PDE1A: variants seen among roughly 807,000 people sequenced by gnomAD.
The protein encoded by PDE1A is phosphodiesterase 1A.
In PDE1A, 35 loss-of-function variants were observed where a neutral mutation model predicts 61.7. The observed-to-expected ratio is 0.57, with a 90% CI of 0.43 to 0.75. PDE1A has a LOEUF of 0.75. Among genes scored for constraint, PDE1A ranks in the 30% least tolerant of loss-of-function variants. The probability of loss-of-function intolerance (pLI) is 0.00; values close to 1 mark genes in which losing one functional copy is unlikely to be tolerated. For synonymous variants in PDE1A, 232 were observed against 213.2 expected (o/e 1.09, Z -0.77); for missense variants, 597 against 630.6 (o/e 0.95, Z 0.57).
intron 10 of PDE1A, among the ~76,000 whole-genome samples, chr2:182,195,163 C>G (rs375272338): frequency 6.6e-6 from 1 of 152,174 alleles, no homozygotes; most frequent in African/African-American, 2.4e-5. Context: ...TTTAGAAATT[C>G]AGCGTTAAGT....
intron 2 of PDE1A, among the ~76,000 whole-genome samples, chr2:182,512,936 A>C (rs1689898746): frequency 6.6e-6 from 1 of 152,246 alleles, no homozygotes; most frequent in Non-Finnish European, 1.5e-5. Context: ...AAAATCTCTG[A>C]GAAATATGAG....
the PDE1A span, among the ~76,000 whole-genome samples, chr2:182,708,204 G>T: frequency 1.9e-3 from 284 of 152,022 alleles, 1 homozygote; most frequent in African/African-American, 6.5e-3. Context: ...TTCCAGTTCT[G>T]CCCCTACTAG....
At chr2:182,640,317 C>A in the PDE1A span, among the ~76,000 whole-genome samples, 1 of 152,156 alleles carries the variant, frequency 6.6e-6, no homozygotes, top group African/African-American at 2.4e-5. Flanking sequence ...TCTCTTAGAA[C>A]TGACACTGAA....
chr2:182,291,449 C>CT (rs1694531831), intron 1 of PDE1A, among the ~76,000 whole-genome samples: 1 of 152,118 alleles, frequency 6.6e-6, no homozygotes, highest in African/African-American at 2.4e-5. Context: ...GTGCATATCT[C>CT]TTTTTTATAT....
exon 7 of PDE1A, chr2:182,223,873 A>C: frequency 6.3e-7 from 1 of 1,574,960 alleles, no homozygotes; most frequent in Non-Finnish European, 8.6e-7. Context: ...CCTTGTCTGA[A>C]TGTGAAAGTT....
intron 13 of PDE1A, among the ~76,000 whole-genome samples, chr2:182,173,562 ATAATT>A (rs916222914): frequency 4.2e-5 from 4 of 96,106 alleles, no homozygotes; most frequent in South Asian, 3.5e-4. Flanking sequence ...ATATAATATA[ATAATT>A]TAATTTACTA....
chr2:182,489,171 T>C (rs574796695), intron 2 of PDE1A, among the ~76,000 whole-genome samples: 304 of 152,200 alleles, frequency 2.0e-3, no homozygotes, highest in Non-Finnish European at 3.8e-3. Flanking sequence ...GACAAGAGTG[T>C]ACCAGGAAGA....
At chr2:182,185,685 C>A in intron 13 of PDE1A, 2 of 819,874 alleles carry the variant, frequency 2.4e-6, no homozygotes, top group Admixed American at 5.7e-5. Flanking sequence ...AGATCTGCAG[C>A]CCATGTGGCA....
chr2:182,328,589 G>T (rs535490808), intron 1 of PDE1A, among the ~76,000 whole-genome samples: 3 of 152,298 alleles, frequency 2.0e-5, no homozygotes, highest in Non-Finnish European at 2.9e-5. Flanking sequence ...TGAAGGACGA[G>T]ATGCAACTTG....
chr2:182,647,609 A>G, the PDE1A span, among the ~76,000 whole-genome samples: 1 of 152,190 alleles, frequency 6.6e-6, no homozygotes, highest in Non-Finnish European at 1.5e-5. Context: ...TCACTTAGGA[A>G]AAGACATATC....
intron 2 of PDE1A, among the ~76,000 whole-genome samples, chr2:182,437,040 G>C (rs1005615202): frequency 2.0e-5 from 3 of 151,934 alleles, no homozygotes; most frequent in African/African-American, 7.2e-5. Flanking sequence ...TCTGGTTTGG[G>C]TCAATCTCAC....
chr2:182,678,784 C>A, the PDE1A span, among the ~76,000 whole-genome samples: 1 of 152,012 alleles, frequency 6.6e-6, no homozygotes, highest in Non-Finnish European at 1.5e-5. Context: ...GTAGTGGTTA[C>A]CAGAGGCTGC....
At chr2:182,143,653 C>T (rs1269013032), downstream of PDE1A, among the ~76,000 whole-genome samples, 2 of 151,654 alleles carry the variant, frequency 1.3e-5, no homozygotes, top group Non-Finnish European at 3.0e-5. Context: ...GTAGCTGGGA[C>T]TACAGGCGCC....
intron 13 of PDE1A, among the ~76,000 whole-genome samples, chr2:182,182,243 C>A (rs868837532): frequency 6.6e-6 from 1 of 152,130 alleles, no homozygotes; most frequent in East Asian, 1.9e-4. Context: ...AACCAAAAAG[C>A]CTGGCATCAT....
At chr2:182,712,050 C>T in the PDE1A span, among the ~76,000 whole-genome samples, 1 of 152,196 alleles carries the variant, frequency 6.6e-6, no homozygotes, top group African/African-American at 2.4e-5. Context: ...AAATTTGCAG[C>T]CTGCAATGGA....
the PDE1A span, among the ~76,000 whole-genome samples, chr2:182,572,743 G>A: frequency 6.7e-4 from 102 of 151,956 alleles, no homozygotes; most frequent in African/African-American, 2.3e-3. Context: ...GGTGGTGGGC[G>A]CCTGTAGTCC....
the PDE1A span, among the ~76,000 whole-genome samples, chr2:182,698,653 G>T: frequency 1.2e-4 from 19 of 152,202 alleles, no homozygotes; most frequent in Admixed American, 3.9e-4. Context: ...ACATAAAAGT[G>T]CTCATAGTAA....
chr2:182,582,423 G>C, the PDE1A span, among the ~76,000 whole-genome samples: 1 of 152,150 alleles, frequency 6.6e-6, no homozygotes, highest in Non-Finnish European at 1.5e-5. Context: ...TAACAAAGGG[G>C]ATAGATACCA....
intron 2 of PDE1A, among the ~76,000 whole-genome samples, chr2:182,432,436 T>C (rs938467020): frequency 6.6e-6 from 1 of 151,728 alleles, no homozygotes. Context: ...TTGTTGTTGT[T>C]GTTGTTGTTG....
Sources: allele counts gnomAD v4.1 joint callset (sites outside exome capture counted in the v4.1 genomes callset), GRCh38; gene constraint gnomAD v4.1.1; transcripts MANE v1.5; gene names NCBI Gene and HGNC (gene_info 2026-07-23, HGNC 2026-07-21).